PRKDC: variants seen among roughly 807,000 people sequenced by gnomAD.
PRKDC encodes the protein DNA-dependent protein kinase catalytic subunit.
PRKDC carries 82 observed loss-of-function variants against 486.9 expected under a neutral mutation model. The observed-to-expected ratio is 0.17, with a 90% CI of 0.14 to 0.20. The LOEUF is 0.20. PRKDC is among the 10% of genes least tolerant of loss of function. The probability of loss-of-function intolerance (pLI) is 1.00; values close to 1 mark genes in which losing one functional copy is unlikely to be tolerated. For missense variants in PRKDC, 4,504 were observed against 5,038.2 expected (o/e 0.89, Z 3.21); for synonymous variants, 1,895 against 1,837.0 (o/e 1.03, Z -0.81).
intron 36 of PRKDC, among the ~76,000 whole-genome samples, chr8:47,885,646 A>G (rs1462559928): frequency 6.6e-6 from 1 of 152,066 alleles, no homozygotes; most frequent in Non-Finnish European, 1.5e-5. Context: ...TAATCCCAGC[A>G]CTTCGGGAGG....
intron 74 of PRKDC, among the ~76,000 whole-genome samples, chr8:47,793,292 G>A (rs2086913939): frequency 1.3e-5 from 2 of 152,120 alleles, no homozygotes; most frequent in Non-Finnish European, 2.9e-5. Flanking sequence ...GCCTCAGTAG[G>A]GCAGGGGTGT....
At chr8:47,877,615 G>A in intron 40 of PRKDC, 109 bp downstream of exon 40, 1 of 1,143,738 alleles carries the variant, frequency 8.7e-7, no homozygotes, top group Non-Finnish European at 1.2e-6. Flanking sequence ...ATAAAGTTTA[G>A]TAGCAAGAAT....
At chr8:47,783,947 G>A in intron 77 of PRKDC, 138 bp from the exon 78 acceptor site, 5 of 827,634 alleles carry the variant, frequency 6.0e-6, no homozygotes, top group Non-Finnish European at 9.8e-6. Flanking sequence ...CACTTAAAGG[G>A]AACTGACTTT....
At chr8:47,799,940 A>T (rs562455132) in intron 71 of PRKDC, among the ~76,000 whole-genome samples, 1 of 152,346 alleles carries the variant, frequency 6.6e-6, no homozygotes, top group Admixed American at 6.5e-5. Flanking sequence ...GGGAAATTTA[A>T]TTAACAAAAG....
intron 40 of PRKDC, among the ~76,000 whole-genome samples, chr8:47,865,377 G>A (rs1345276651): frequency 7.5e-5 from 11 of 147,080 alleles, no homozygotes; most frequent in East Asian, 2.0e-4. Flanking sequence ...GTGAGACTCC[G>A]TCTCAAAAAA....
rs756017511 is a variant in PRKDC, at chr8:47,889,028, T to C, written c.4266A>G (p.Lys1422=). 6.2e-7 allele frequency: 1 copy of C among 1,613,770 alleles called. No homozygotes were observed. The highest frequency in any genetic ancestry group is 8.5e-7 in the Non-Finnish European group (1 of 1,179,722). The change falls in exon 33 of 86, where the codon AAA becomes AAG. Residue 1422 remains lysine (K), a synonymous_variant. Coordinates refer to ENST00000314191, the MANE Select transcript of PRKDC (RefSeq NM_006904.7). The stretch of plus-strand genomic sequence containing the variant: ...CAAGTACCCACCTCTGTGCTGTTAT[T>C]TTCTCTCTCAGATGGGTCTCTAGGA... ...KDILETHLRE[K]ITAQSIEELC...
At chr8:47,857,615 C>T (rs2088573853) in intron 48 of PRKDC, among the ~76,000 whole-genome samples, 2 of 152,134 alleles carry the variant, frequency 1.3e-5, no homozygotes, top group South Asian at 2.1e-4. Flanking sequence ...GGACCAGGCT[C>T]TCTCATAGCT....
Position 47,893,352 on chromosome 8 carries a change from G to A in PRKDC, c.3634C>T (p.Leu1212Phe), listed in dbSNP as rs1297556479. The change falls in exon 31 of 86, where the codon CTC (leucine) becomes TTC (phenylalanine). Residue 1212 changes from leucine (L) to phenylalanine (F), a missense_variant. By Grantham distance (22) the Leu-to-Phe change is conservative. Transcript: ENST00000314191. ...AGAAAAGAGACACCTTCTTCCTTGA[G>A]AACATCTTTCAGCCACAAATTAGGG... ...RSPNLWLKDV[L>F]KEEGVSFLIN... 1.9e-6 allele frequency: 3 copies of A among 1,553,130 alleles called. No homozygotes were observed. The highest frequency in any genetic ancestry group is 2.4e-5 in the South Asian group (2 of 83,364).
Position 47,852,755 on chromosome 8 carries a change from G to A in PRKDC, c.6923C>T (p.Ser2308Phe). 1 of 1,574,046 alleles carries A rather than the reference G, an allele frequency of 6.4e-7. No individual in the cohort carries two copies. The highest frequency in any genetic ancestry group is 8.6e-7 in the Non-Finnish European group (1 of 1,158,250). Reference sequence around the variant, plus strand: ...ATACACTTCTTTATATCTTACAAAGGACATATTATTCACCAAAGCCTGGAA... The same window carrying A: ...ATACACTTCTTTATATCTTACAAAGAACATATTATTCACCAAAGCCTGGAA... ...EYFQALVNNMSFVRYKEVYAA... is the reference protein window; with the variant it reads ...EYFQALVNNMFFVRYKEVYAA... The change falls in exon 52 of 86, where the codon TCC becomes TTC. Residue 2308 changes from serine to phenylalanine, a missense_variant. Coordinates refer to ENST00000314191, the MANE Select transcript of PRKDC (RefSeq NM_006904.7).
intron 25 of PRKDC, among the ~76,000 whole-genome samples, chr8:47,908,372 T>C (rs914955788): frequency 6.6e-6 from 1 of 152,250 alleles, no homozygotes; most frequent in Non-Finnish European, 1.5e-5. Context: ...TTCAGTAGTA[T>C]GTTGCACATT....
chr8:47,940,974 A>C (rs2090433950), intron 10 of PRKDC, among the ~76,000 whole-genome samples: 1 of 152,168 alleles, frequency 6.6e-6, no homozygotes, highest in Admixed American at 6.5e-5. Context: ...TAACAAAAAT[A>C]CAAAAATTAT....
At chr8:47,799,062 C>G (rs571371195) in intron 72 of PRKDC, 148 bp downstream of exon 72, 1 of 1,059,440 alleles carries the variant, frequency 9.4e-7, no homozygotes, top group Non-Finnish European at 1.3e-6. Context: ...CCACTGCACC[C>G]GGCTGCCATT....
chr8:47,849,720 C>G (rs537478044), intron 52 of PRKDC, among the ~76,000 whole-genome samples: 1 of 152,310 alleles, frequency 6.6e-6, no homozygotes, highest in South Asian at 2.1e-4. Flanking sequence ...TCCTACACCT[C>G]GGTGAGCCAG....
In PRKDC at chr8:47,943,311, G is replaced by C; in HGVS notation, c.864C>G (p.Asp288Glu). The change falls in exon 10 of 86, where the codon GAC (aspartate) becomes GAG (glutamate). Residue 288 changes from aspartate (D) to glutamate (E), a missense_variant. This residue lies in a region of PRKDC where 1,969 missense variants were observed against 2,068.9 expected (regional missense o/e 0.95). Coordinates refer to ENST00000314191, the MANE Select transcript of PRKDC (RefSeq NM_006904.7). ...HASQFSTCLL[D>E]NYVSLFEVLL... ...AGACTTCAAATAGAGACACGTAGTT[G>C]TCCAGAAGGCAGGTGCTAAACTGAG... 6.2e-7 allele frequency: 1 copy of C among 1,612,158 alleles called. No individual in the cohort carries two copies. The highest frequency in any genetic ancestry group is 1.3e-5 in the African/African-American group (1 of 75,054).
chr8:47,836,705 A>T (rs1055696311), intron 57 of PRKDC, among the ~76,000 whole-genome samples, 178 bp from the exon 58 acceptor site: 3 of 152,246 alleles, frequency 2.0e-5, no homozygotes, highest in Admixed American at 6.5e-5. Context: ...CTGATTTGCC[A>T]ACTAGAAAAA....
rs751232985 is a variant in PRKDC at position 47,854,166 on chromosome 8, G to A, written c.6810C>T (p.Asn2270=). ...TGCCTAGCAATTGAATCCCTACTGA[G>A]TTGTCTTTAGAATTAGGATCTTTAC... ...FSGKDPNSKD[N]SVGIQLLGIV... The change falls in exon 51 of 86, where the codon AAC becomes AAT. Residue 2270 remains asparagine, a synonymous_variant. Coordinates refer to ENST00000314191, the MANE Select transcript of PRKDC (RefSeq NM_006904.7). 30 of 1,613,568 alleles carry A rather than the reference G, an allele frequency of 1.9e-5. No homozygotes were observed. The South Asian group carries it at 3.3e-4, about 18-fold the overall frequency.
chr8:47,936,782 ATT>A (rs869164665), intron 11 of PRKDC, among the ~76,000 whole-genome samples: 32 of 128,586 alleles, frequency 2.5e-4, no homozygotes, highest in Middle Eastern at 4.3e-3. Context: ...ACGCCTGGCT[ATT>A]TTTTTTTTTT....
intron 59 of PRKDC, 47 bp from the exon 60 acceptor site, chr8:47,831,973 T>A: frequency 6.6e-7 from 1 of 1,520,142 alleles, no homozygotes; most frequent in Non-Finnish European, 9.1e-7. Context: ...CCCAGACACT[T>A]GGCTCTGCTG....
intron 63 of PRKDC, among the ~76,000 whole-genome samples, chr8:47,824,452 CA>C (rs1375294989): frequency 1.8e-5 from 2 of 110,244 alleles, no homozygotes; most frequent in Non-Finnish European, 3.4e-5. Context: ...GCCTGGGCAA[CA>C]GCAAGACTCC....
Sources: allele counts gnomAD v4.1 joint callset (sites outside exome capture counted in the v4.1 genomes callset), GRCh38; gene constraint gnomAD v4.1.1; regional missense constraint gnomAD v4.1.1; transcripts MANE v1.5; gene names NCBI Gene and HGNC (gene_info 2026-07-23, HGNC 2026-07-21).